Variants in TLK2 observed in about 807,000 individuals in gnomAD.
TLK2 encodes the protein serine/threonine-protein kinase tousled-like 2.
Under a neutral mutation model 117.3 loss-of-function variants are expected in TLK2, and 6 were observed. That is an observed-to-expected ratio of 0.05 (90% confidence interval 0.03 to 0.10). TLK2 has a LOEUF of 0.10. Ranked by LOEUF, TLK2 falls within the 10% of genes least tolerant of loss-of-function variation. TLK2 has a pLI of 1.00. For missense variants in TLK2, 299 were observed against 901.2 expected, an observed-to-expected ratio of 0.33 and a Z score of 8.56; for synonymous variants, 257 against 316.7, an observed-to-expected ratio of 0.81 and a Z score of 2.00.
At chr17:62,517,898 G>T (rs187372232) in intron 2 of TLK2, among the ~76,000 whole-genome samples, 1 of 151,540 alleles carries the variant, frequency 6.6e-6, no homozygotes, top group Non-Finnish European at 1.5e-5. Flanking sequence ...GGATTTCACC[G>T]TGTTGGCCAG....
chr17:62,479,179 G>A lies in TLK2; in HGVS notation c.-117G>A, dbSNP rs1598075994. 6.6e-6 allele frequency: 1 copy of A among 151,672 alleles called. No individual in the cohort carries two copies. Among genetic ancestry groups the A allele is most frequent in the Non-Finnish European group, 1.5e-5 (1 of 67,566 alleles). The allele number at this position is 151,672 out of a possible 1,614,324, so 9.4% of individuals were successfully genotyped here. On this transcript the variant is annotated 5_prime_UTR_variant, in exon 1 of 22. Transcript: ENST00000346027. ...GCGGGGGGTTGCGGCGCTCAGGAGA[G>A]GCCCCGGCTCCGCCCCGGGCCTGCC...
rs2078644954 is a variant in TLK2 at position 62,553,736 on chromosome 17, G to A, written c.701G>A (p.Arg234Lys). Reference sequence around the variant, plus strand: ...TCTGACTTAGAGAAGAAGGAGGGAAGAATAGATGATTTATTAAGAGTAAGT... The same window carrying A: ...TCTGACTTAGAGAAGAAGGAGGGAAAAATAGATGATTTATTAAGAGTAAGT... ...KNSDLEKKEG[R>K]IDDLLRANCD... Residue 234 changes from arginine to lysine, a missense_variant, in exon 9 of 22, where the codon AGA (arginine) becomes AAA (lysine). By Grantham distance (26) the Arg-to-Lys change is conservative. Around this residue, in one of 4 missense-constraint regions of TLK2, gnomAD observed 94 missense variants for 282.6 expected, o/e 0.33. Coordinates refer to ENST00000346027, the MANE Select transcript of TLK2 (RefSeq NM_006852.6). 6.4e-7 allele frequency: 1 copy of A among 1,572,558 alleles called. No individual in the cohort carries two copies.
intron 11 of TLK2, among the ~76,000 whole-genome samples, chr17:62,568,493 G>A (rs1254973034): frequency 6.6e-6 from 1 of 150,520 alleles, no homozygotes; most frequent in East Asian, 1.9e-4. Flanking sequence ...GATCATTTAA[G>A]ATGCATATAA....
intron 6 of TLK2, among the ~76,000 whole-genome samples, chr17:62,535,129 C>T (rs2077025628): frequency 6.6e-6 from 1 of 152,128 alleles, no homozygotes; most frequent in East Asian, 1.9e-4. Flanking sequence ...TTCAAGTGAT[C>T]CGCCTGCCTT....
At chr17:62,485,814 T>C (rs2072278218) in intron 2 of TLK2, among the ~76,000 whole-genome samples, 1 of 147,550 alleles carries the variant, frequency 6.8e-6, no homozygotes, top group Non-Finnish European at 1.5e-5. Context: ...AGTAATTTTC[T>C]GGTTTTTTTT....
At chr17:62,600,581 G>A (rs912855124) in intron 17 of TLK2, 70 bp from the exon 18 acceptor site, 10 of 1,356,976 alleles carry the variant, frequency 7.4e-6, no homozygotes, top group East Asian at 2.4e-5. Context: ...TTTTCACATG[G>A]GACTAATTTA....
intron 2 of TLK2, among the ~76,000 whole-genome samples, chr17:62,499,047 A>AC (rs1325488391): frequency 4.0e-5 from 6 of 151,838 alleles, no homozygotes; most frequent in Admixed American, 3.3e-4. Context: ...TATTTTTTGT[A>AC]AAGACGAGGT....
intron 2 of TLK2, among the ~76,000 whole-genome samples, chr17:62,499,937 A>C (rs2074049447): frequency 6.6e-6 from 1 of 152,174 alleles, no homozygotes; most frequent in Admixed American, 6.5e-5. Flanking sequence ...CTAAAATAAA[A>C]GATTAGAACA....
At chr17:62,522,143 GT>G in intron 3 of TLK2, 60 bp from the exon 4 acceptor site, 1 of 1,571,834 alleles carries the variant, frequency 6.4e-7, no homozygotes. Context: ...TATACTCGCT[GT>G]TTTTCCTAAC....
chr17:62,513,261 C>T (rs1422952122), intron 2 of TLK2, among the ~76,000 whole-genome samples: 4 of 149,064 alleles, frequency 2.7e-5, no homozygotes, highest in Admixed American at 6.7e-5. Context: ...TCTAGTTGTT[C>T]CAGTAGCATT....
At chr17:62,606,531 G>T (rs1400048208) in intron 20 of TLK2, among the ~76,000 whole-genome samples, 1 of 151,980 alleles carries the variant, frequency 6.6e-6, no homozygotes, top group African/African-American at 2.4e-5. Flanking sequence ...GTGTGTATAG[G>T]GATTTACAAA....
intron 19 of TLK2, 178 bp from the exon 20 acceptor site, chr17:62,605,952 A>T (rs2083262781): frequency 1.0e-5 from 3 of 287,072 alleles, no homozygotes; most frequent in Non-Finnish European, 1.9e-5. Flanking sequence ...GGCCGTAATG[A>T]GCCATGATCA....
intron 9 of TLK2, among the ~76,000 whole-genome samples, chr17:62,557,748 C>G (rs2078964888): frequency 6.6e-6 from 1 of 152,168 alleles, no homozygotes; most frequent in Non-Finnish European, 1.5e-5. Flanking sequence ...GTGCCTTTCT[C>G]CATCATCTGA....
chr17:62,513,070 G>A (rs1456981234), intron 2 of TLK2, among the ~76,000 whole-genome samples: 1 of 150,994 alleles, frequency 6.6e-6, no homozygotes, highest in Non-Finnish European at 1.5e-5. Context: ...AGTAGAGACG[G>A]GGTTTCACAA....
intron 9 of TLK2, among the ~76,000 whole-genome samples, chr17:62,557,161 G>A (rs2078920598): frequency 6.6e-6 from 1 of 152,168 alleles, no homozygotes; most frequent in African/African-American, 2.4e-5. Flanking sequence ...TTGGGCTCAA[G>A]CAAACCTCCT....
chr17:62,542,105 GCAAATAGTTT>G (rs1237462039), intron 7 of TLK2, among the ~76,000 whole-genome samples: 1 of 152,070 alleles, frequency 6.6e-6, no homozygotes, highest in Non-Finnish European at 1.5e-5. Flanking sequence ...AAAATCATAA[GCAAATAGTTT>G]CCTAAATTAT....
intron 6 of TLK2, among the ~76,000 whole-genome samples, chr17:62,530,942 C>T (rs1397012719): frequency 6.6e-6 from 1 of 152,000 alleles, no homozygotes; most frequent in East Asian, 1.9e-4. Context: ...CATGTTCTAA[C>T]CCTCCATTGT....
At chr17:62,531,848 A>C (rs1188211636) in intron 6 of TLK2, among the ~76,000 whole-genome samples, 1 of 152,160 alleles carries the variant, frequency 6.6e-6, no homozygotes, top group Admixed American at 6.5e-5. Flanking sequence ...TACACTGCCA[A>C]GGCAACTTCC....
chr17:62,485,791 G>GGGTTGTGA (rs1307544041), intron 2 of TLK2, among the ~76,000 whole-genome samples: 1 of 151,156 alleles, frequency 6.6e-6, no homozygotes, highest in African/African-American at 2.4e-5. Context: ...AGGTTAAACT[G>GGGTTGTGA]GGTTGTGAAC....
Sources: gnomAD v4.1 joint callset for allele counts (sites outside exome capture counted in the v4.1 genomes callset) on GRCh38, gnomAD v4.1.1 for gene constraint, gnomAD v4.1.1 regional missense constraint, MANE v1.5 for transcripts, NCBI Gene and HGNC (gene_info 2026-07-23, HGNC 2026-07-21) for gene names.